FAM20C: variants seen among roughly 807,000 people sequenced by gnomAD.
The protein encoded by FAM20C is FAM20C golgi associated secretory pathway kinase, also known as extracellular serine/threonine protein kinase FAM20C.
A neutral mutation model predicts 51.5 loss-of-function variants in FAM20C; 40 were observed. That is an observed-to-expected ratio of 0.78 (90% CI 0.60 to 1.01). FAM20C has a LOEUF of 1.01. Among genes scored for constraint, FAM20C ranks in the 50% least tolerant of loss-of-function variants. FAM20C has a pLI of 0.00. For synonymous variants in FAM20C, 406 were observed against 380.6 expected (o/e 1.07, Z -0.78); for missense variants, 861 against 844.7 (o/e 1.02, Z -0.24).
intron 3 of FAM20C, among the ~76,000 whole-genome samples, chr7:240,986 G>GAGCT (rs1787930724): frequency 6.6e-6 from 1 of 152,206 alleles, no homozygotes; most frequent in Non-Finnish European, 1.5e-5. Flanking sequence ...AGGTGCTGGA[G>GAGCT]AGCTGACTCA....
intron 3 of FAM20C, among the ~76,000 whole-genome samples, chr7:211,749 G>A (rs1053290035): frequency 2.0e-5 from 3 of 152,228 alleles, no homozygotes; most frequent in Non-Finnish European, 1.5e-5. Flanking sequence ...GAAGCCTGCT[G>A]CAGTTGGGGA....
At chr7:204,038 G>A (rs1475552196) in intron 2 of FAM20C, among the ~76,000 whole-genome samples, 1 of 152,198 alleles carries the variant, frequency 6.6e-6, no homozygotes, top group Non-Finnish European at 1.5e-5. Context: ...GGAAAAAACA[G>A]AAAACTAAAG....
rs868408490 is a variant in FAM20C at position 248,331 on chromosome 7, C to G, written c.973C>G (p.Arg325Gly). 3 of 1,535,964 alleles carry G rather than the reference C, an allele frequency of 2.0e-6. No homozygotes were observed. Among genetic ancestry groups the G allele is most frequent in the Non-Finnish European group, 2.6e-6 (3 of 1,146,622 alleles). The change falls in exon 5 of 10, where the codon CGG (arginine) becomes GGG (glycine). Residue 325 changes from arginine to glycine, a missense_variant. Physicochemically the swap from Arg to Gly is moderately radical, Grantham distance 125 (BLOSUM62 -2). Transcript: ENST00000313766. The part of the protein sequence containing the change: ...FHLDRILDFR[R>G]VPPVAGRMVN... ...TCTTGCCAGGATCCTGGACTTCCGC[C>G]GGGTCCCTCCCGTGGCCGGCAGGAT...
chr7:241,284 G>A (rs36128848), intron 3 of FAM20C, among the ~76,000 whole-genome samples: 3,430 of 152,304 alleles, frequency 0.023, 48 homozygotes, highest in East Asian at 0.1. Flanking sequence ...CCCTCTGCCC[G>A]GGAGCAGAAC....
At chr7:222,975 T>A (rs1326590876) in intron 3 of FAM20C, among the ~76,000 whole-genome samples, 1 of 152,062 alleles carries the variant, frequency 6.6e-6, no homozygotes, top group Non-Finnish European at 1.5e-5. Context: ...TCTGTTGTCA[T>A]GCAGGTGCTG....
intron 3 of FAM20C, among the ~76,000 whole-genome samples, chr7:231,041 G>A (rs1375391385): frequency 6.6e-6 from 1 of 152,128 alleles, no homozygotes; most frequent in Non-Finnish European, 1.5e-5. Context: ...AAGAAAAGAC[G>A]GCCTGGGAGA....
At chr7:257,203 A>T (rs762901785) in intron 8 of FAM20C, 117 bp downstream of exon 8, 25 of 1,049,110 alleles carry the variant, frequency 2.4e-5, no homozygotes, top group Non-Finnish European at 1.7e-5. Context: ...AGGGATGGGA[A>T]TGTCGCAAAG....
At position 252,867 on chromosome 7, in the gene FAM20C, C is replaced by G. The variant is rs368928706; in HGVS notation, c.1073-2982C>G. On this transcript the variant is annotated intron_variant, in intron 5 of 9. Coordinates refer to ENST00000313766, the MANE Select transcript of FAM20C (RefSeq NM_020223.4). ...CCCAAACGCTCACAGAACACACTCC[C>G]CTACTTCTCACGTAAGTTACCGTCT... Among the ~76,000 whole-genome samples, 4 of 152,356 alleles carry G rather than the reference C, an allele frequency of 2.6e-5. No homozygotes were observed. In the East Asian group the frequency reaches 7.7e-4, roughly 29 times the overall value.
At chr7:250,252 C>T (rs910252102) in intron 5 of FAM20C, among the ~76,000 whole-genome samples, 1 of 152,192 alleles carries the variant, frequency 6.6e-6, no homozygotes, top group Non-Finnish European at 1.5e-5. Context: ...ACCCGGCCCC[C>T]GAATCCATGA....
chr7:222,683 C>T (rs1443913236), intron 3 of FAM20C, among the ~76,000 whole-genome samples: 1 of 152,186 alleles, frequency 6.6e-6, no homozygotes, highest in East Asian at 1.9e-4. Flanking sequence ...AGCAGCCCAG[C>T]ACAAGGGGAG....
chr7:256,251 G>A, intron 6 of FAM20C: 1 of 631,868 alleles, frequency 1.6e-6, no homozygotes, highest in Non-Finnish European at 2.7e-6. Flanking sequence ...GGGCCGGCCT[G>A]CCCACCAGGT....
rs545462983 is a variant in FAM20C at position 246,823 on chromosome 7, G to C, written c.956+316G>C. Among the ~76,000 whole-genome samples the C allele has an allele frequency of 2.0e-3, 303 of 152,214 alleles. 2 individuals carry two copies. Among genetic ancestry groups the C allele is most frequent in the African/African-American group, 7.0e-3 (290 of 41,514 alleles). On this transcript the variant is annotated intron_variant, in intron 4 of 9. Transcript: ENST00000313766. ...AGAGCCTTTCATATCCCCCTTTACAGATGAGAAACTGAGGCTCTGTGAGCG... is the reference window on the plus strand; with the variant it reads ...AGAGCCTTTCATATCCCCCTTTACACATGAGAAACTGAGGCTCTGTGAGCG...
Position 246,445 on chromosome 7 carries a change from C to CT in FAM20C, c.901dup (p.Tyr301LeufsTer4). The CT allele has an allele frequency of 1.4e-6, 2 of 1,445,246 alleles. No homozygotes were observed. The highest frequency in any genetic ancestry group is 1.8e-6 in the Non-Finnish European group (2 of 1,107,004). The allele number at this position is 1,445,246 out of a possible 1,614,324, so 89.5% of individuals were successfully genotyped here. ...CGAGGGAGCAGGAGACACCCCCTGA[C>CT]TTTTTTTATTTCTCTGACTACGAGA... On this transcript the variant is annotated frameshift_variant, in exon 4 of 10. Coordinates refer to ENST00000313766, the MANE Select transcript of FAM20C (RefSeq NM_020223.4). LOFTEE classifies it high-confidence loss of function.
chr7:209,166 G>T lies in FAM20C; in HGVS notation c.863+190G>T, dbSNP rs115300735. ...GGCCTCATTTTCTCTCCTCTCCCAC[G>T]GCCTCCCCACCTCCTCCCTTTTTAT... On this transcript the variant is annotated intron_variant, in intron 3 of 9. Transcript: ENST00000313766. 3.5e-3 allele frequency among the ~76,000 whole-genome samples: 531 copies of T among 152,220 alleles called. 2 individuals are homozygous for T. Among genetic ancestry groups the T allele is most frequent in the African/African-American group, 0.012 (504 of 41,530 alleles).
At chr7:242,376 C>T (rs1236461286) in intron 3 of FAM20C, among the ~76,000 whole-genome samples, 3 of 151,636 alleles carry the variant, frequency 2.0e-5, no homozygotes, top group African/African-American at 7.3e-5. Context: ...GGGCAAGGGG[C>T]GTCCGCAGGA....
At chr7:249,166 C>A (rs1250017649) in intron 5 of FAM20C, among the ~76,000 whole-genome samples, 1 of 152,266 alleles carries the variant, frequency 6.6e-6, no homozygotes, top group African/African-American at 2.4e-5. Flanking sequence ...CATGGGACCT[C>A]CCCACTCGGA....
At chr7:218,089 G>A (rs1787088318) in intron 3 of FAM20C, among the ~76,000 whole-genome samples, 2 of 152,194 alleles carry the variant, frequency 1.3e-5, no homozygotes, top group East Asian at 3.8e-4. Context: ...CCTGTGGGCT[G>A]GCTCTCGAAC....
chr7:226,471 A>G (rs1214681650), intron 3 of FAM20C, among the ~76,000 whole-genome samples: 3 of 152,210 alleles, frequency 2.0e-5, no homozygotes, highest in Admixed American at 2.0e-4. Context: ...CGAGGGCCCA[A>G]GGCTCAGGGA....
At chr7:237,216 G>A (rs1051004737) in intron 3 of FAM20C, among the ~76,000 whole-genome samples, 22 of 152,216 alleles carry the variant, frequency 1.4e-4, no homozygotes, top group South Asian at 6.2e-4. Flanking sequence ...GATTGGCCTC[G>A]AGGCAGGGCC....
Sources: gnomAD v4.1 joint callset for allele counts (sites outside exome capture counted in the v4.1 genomes callset) on GRCh38, gnomAD v4.1.1 for gene constraint, MANE v1.5 for transcripts, NCBI Gene and HGNC (gene_info 2026-07-23, HGNC 2026-07-21) for gene names.